Variants in STRA6 observed in about 807,000 individuals in gnomAD.
STRA6 encodes the protein receptor for retinol uptake STRA6.
Under a neutral mutation model 83.6 loss-of-function variants are expected in STRA6, and 48 were observed. The observed-to-expected ratio is 0.57, with a 90% CI of 0.46 to 0.73. STRA6 has a LOEUF of 0.73. STRA6 is among the 30% of genes least tolerant of loss of function. STRA6 has a pLI of 0.00. For synonymous variants in STRA6, 353 were observed against 362.3 expected (o/e 0.97, Z 0.29); for missense variants, 760 against 838.8 (o/e 0.91, Z 1.16).
intron 4 of STRA6, among the ~76,000 whole-genome samples, chr15:74,196,753 C>T (rs2073839501): frequency 6.6e-6 from 1 of 152,222 alleles, no homozygotes; most frequent in Non-Finnish European, 1.5e-5. Flanking sequence ...TGCCTCGGTG[C>T]ACAGTCTGGG....
intron 7 of STRA6, 44 bp downstream of exon 7, chr15:74,195,258 C>T (rs1380074007): frequency 1.9e-6 from 3 of 1,603,824 alleles, no homozygotes; most frequent in African/African-American, 2.7e-5. Context: ...GAGTAGGTTG[C>T]TCTGTGCGCC....
upstream of STRA6, among the ~76,000 whole-genome samples, chr15:74,204,716 T>C (rs2074219035): frequency 6.6e-6 from 1 of 152,168 alleles, no homozygotes; most frequent in Non-Finnish European, 1.5e-5. Context: ...GTGGATCACC[T>C]GAGGTCAGGA....
upstream of STRA6, among the ~76,000 whole-genome samples, chr15:74,206,302 T>A (rs1365085987): frequency 6.6e-6 from 1 of 152,186 alleles, no homozygotes; most frequent in Non-Finnish European, 1.5e-5. Context: ...GGTGGCCGCG[T>A]GGCTCAAGCT....
chr15:74,206,959 G>T (rs1328785763), upstream of STRA6, among the ~76,000 whole-genome samples: 2 of 152,202 alleles, frequency 1.3e-5, no homozygotes, highest in Non-Finnish European at 2.9e-5. Flanking sequence ...TGCTCACTAT[G>T]GGAGGAGGTC....
intron 7 of STRA6, chr15:74,195,010 G>T: frequency 1.4e-6 from 2 of 1,434,114 alleles, no homozygotes; most frequent in Non-Finnish European, 9.1e-7. Context: ...CACAGGCATT[G>T]GGGGTGGGGG....
At chr15:74,189,084 G>A (rs1212995258) in intron 12 of STRA6, 31 bp downstream of exon 12, 3 of 1,612,988 alleles carry the variant, frequency 1.9e-6, no homozygotes, top group African/African-American at 1.3e-5. Flanking sequence ...ATTCCCCACT[G>A]CAGCCCTCAG....
intron 13 of STRA6, 132 bp downstream of exon 13, chr15:74,184,848 C>G: frequency 1.2e-6 from 1 of 861,852 alleles, no homozygotes; most frequent in Admixed American, 2.0e-5. Context: ...CAGCCACGCA[C>G]AGGTGGGCTC....
chr15:74,205,673 G>A (rs1308111354), upstream of STRA6, among the ~76,000 whole-genome samples: 2 of 152,224 alleles, frequency 1.3e-5, no homozygotes, highest in African/African-American at 2.4e-5. Flanking sequence ...GCCTGAAGGA[G>A]CCTCCATCTG....
chr15:74,191,831 T>C, intron 8 of STRA6: 1 of 418,562 alleles, frequency 2.4e-6, no homozygotes, highest in Non-Finnish European at 4.5e-6. Flanking sequence ...CTCTGCTAGC[T>C]GAAACTGGGG....
chr15:74,195,085 A>G, intron 7 of STRA6: 1 of 1,458,374 alleles, frequency 6.9e-7, no homozygotes, highest in South Asian at 1.4e-5. Flanking sequence ...TCCTAGACTT[A>G]AAGTTCCTGA....
At chr15:74,190,932 A>G in intron 10 of STRA6, 31 bp from the exon 11 acceptor site, 1 of 1,614,016 alleles carries the variant, frequency 6.2e-7, no homozygotes, top group African/African-American at 1.3e-5. Context: ...AGTATGGTGA[A>G]CAGCACCACT....
Position 74,180,129 on chromosome 15 carries a change from T to A in STRA6, c.1955A>T (p.Gln652Leu). 1 of 1,613,720 alleles carries A rather than the reference T, an allele frequency of 6.2e-7. No individual in the cohort carries two copies. Among genetic ancestry groups the A allele is most frequent in the Non-Finnish European group, 8.5e-7 (1 of 1,179,768 alleles). ...CAACAGGGCCGTCTTGCGGAAGACCTGCAGGGTTGGGTTGTGCAGCAGCGT... is the reference window on the plus strand; with the variant it reads ...CAACAGGGCCGTCTTGCGGAAGACCAGCAGGGTTGGGTTGTGCAGCAGCGT... ...AYTLLHNPTL[Q>L]VFRKTALLGA... Residue 652 changes from glutamine (Q) to leucine (L), a missense_variant, in exon 19 of 19, where the codon CAG (glutamine) becomes CTG (leucine). Physicochemically the swap from Gln to Leu is moderately radical, Grantham distance 113. Coordinates refer to ENST00000395105, the MANE Select transcript of STRA6 (RefSeq NM_022369.4).
At chr15:74,183,258 T>C (rs1307906825) in intron 14 of STRA6, 2 of 176,938 alleles carry the variant, frequency 1.1e-5, no homozygotes, top group African/African-American at 2.4e-5. Flanking sequence ...ATTACCTTTG[T>C]AGGTAGCCAA....
chr15:74,180,982 C>T (rs367562282), intron 17 of STRA6, 45 bp from the exon 18 acceptor site: 1 of 1,609,280 alleles, frequency 6.2e-7, no homozygotes, highest in Non-Finnish European at 8.5e-7. Context: ...GCAGGGGCCA[C>T]ACTGGAGGCA....
chr15:74,184,283 C>T (rs2073134902), intron 13 of STRA6, among the ~76,000 whole-genome samples: 1 of 152,230 alleles, frequency 6.6e-6, no homozygotes, highest in African/African-American at 2.4e-5. Flanking sequence ...ACACACAGCA[C>T]AGCCAACAGG....
intron 2 of STRA6, 67 bp from the exon 3 acceptor site, chr15:74,197,885 G>A: frequency 6.5e-7 from 1 of 1,531,396 alleles, no homozygotes; most frequent in Non-Finnish European, 9.0e-7. Context: ...ATGGGTCTGG[G>A]GTTCAAGACT....
chr15:74,202,225 T>C lies in STRA6; in HGVS notation c.43A>G (p.Thr15Ala), dbSNP rs1271810266. The change falls in exon 2 of 19, where the codon ACA becomes GCA. Residue 15 changes from threonine to alanine, a missense_variant. Transcript: ENST00000395105. ...CAGCTGCCATAGGAGTAGTCCTCTG[T>C]GGCCCCGGGGGAGGTCTGGTTCCCT... ...PAGNQTSPGA[T>A]EDYSYGSWYI... 3 of 1,535,892 alleles carry C rather than the reference T, an allele frequency of 2.0e-6. No homozygotes were observed. The highest frequency in any genetic ancestry group is 2.2e-5 in the Admixed American group (1 of 45,888).
Position 74,191,794 on chromosome 15 carries a change from G to A in STRA6, c.721-303C>T, listed in dbSNP as rs368563454. The stretch of plus-strand genomic sequence containing the variant: ...CTTTACTCAGTCACATCTCTTCACC[G>A]TTTCTTCCCACCCCTAGCCCTCTGG... On this transcript the variant is annotated intron_variant, in intron 8 of 18. Coordinates refer to ENST00000395105, the MANE Select transcript of STRA6 (RefSeq NM_022369.4). 11 of 489,164 alleles carry A rather than the reference G, an allele frequency of 2.2e-5. No homozygotes were observed. The Middle Eastern group carries it at 1.7e-3, about 77-fold the overall frequency. 30.3% of individuals were successfully genotyped at this position (489,164 alleles called of 1,614,324 possible).
At chr15:74,211,784 G>T (rs1416995402), upstream of STRA6, among the ~76,000 whole-genome samples, 1 of 151,958 alleles carries the variant, frequency 6.6e-6, no homozygotes, top group African/African-American at 2.4e-5. Flanking sequence ...TCCCTGGTAT[G>T]CCACTCTCTG....
Sources: allele counts gnomAD v4.1 joint callset (sites outside exome capture counted in the v4.1 genomes callset), GRCh38; gene constraint gnomAD v4.1.1; transcripts MANE v1.5; gene names NCBI Gene and HGNC (gene_info 2026-07-23, HGNC 2026-07-21).